MCTP1: variants seen among roughly 807,000 people sequenced by gnomAD.
MCTP1 encodes the protein multiple C2 and transmembrane domain containing 1, also known as multiple C2 and transmembrane domain-containing protein 1.
In MCTP1, 69 loss-of-function variants were observed where a neutral mutation model predicts 120.6. The ratio of observed to expected loss-of-function variants is 0.57; its 90% CI spans 0.47 to 0.70. The LOEUF is 0.70. Among genes scored for constraint, MCTP1 ranks in the 30% least tolerant of loss-of-function variants. The pLI is 0.00. For synonymous variants in MCTP1, 529 were observed against 493.1 expected, an observed-to-expected ratio of 1.07 and a Z score of -0.96; for missense variants, 1,203 against 1,248.8, an observed-to-expected ratio of 0.96 and a Z score of 0.55.
chr5:94,716,132 G>A (rs1237794053), intron 19 of MCTP1, among the ~76,000 whole-genome samples: 1 of 152,188 alleles, frequency 6.6e-6, no homozygotes, highest in Non-Finnish European at 1.5e-5. Context: ...AGGACATGGA[G>A]GCCAGTTTTA....
At chr5:94,978,218 G>A (rs1044733546) in intron 2 of MCTP1, among the ~76,000 whole-genome samples, 1 of 152,054 alleles carries the variant, frequency 6.6e-6, no homozygotes, top group Non-Finnish European at 1.5e-5. Flanking sequence ...TGGTGAGGAT[G>A]TGAAGAAATC....
chr5:94,810,319 T>C (rs1783149002), intron 17 of MCTP1, among the ~76,000 whole-genome samples: 1 of 152,182 alleles, frequency 6.6e-6, no homozygotes, highest in African/African-American at 2.4e-5. Flanking sequence ...TGTATATAAA[T>C]GCTATATCTA....
At chr5:95,233,443 C>T (rs1755190202) in intron 1 of MCTP1, among the ~76,000 whole-genome samples, 1 of 151,978 alleles carries the variant, frequency 6.6e-6, no homozygotes, top group African/African-American at 2.4e-5. Context: ...ATTCTTCTGC[C>T]TCAGCCTCCC....
chr5:94,850,667 C>T (rs1793501594), intron 17 of MCTP1, among the ~76,000 whole-genome samples: 2 of 152,074 alleles, frequency 1.3e-5, no homozygotes, highest in South Asian at 2.1e-4. Context: ...TTGTTTCCCT[C>T]TTTATCTTTT....
intron 17 of MCTP1, among the ~76,000 whole-genome samples, chr5:94,822,265 T>A (rs1351478708): frequency 6.6e-6 from 1 of 152,164 alleles, no homozygotes; most frequent in Non-Finnish European, 1.5e-5. Flanking sequence ...TGTGCCCATA[T>A]GTTCTCATTG....
intron 19 of MCTP1, among the ~76,000 whole-genome samples, chr5:94,745,121 C>T (rs1310488083): frequency 6.6e-6 from 1 of 152,208 alleles, no homozygotes; most frequent in African/African-American, 2.4e-5. Flanking sequence ...AGTTTTCTTA[C>T]TGGATACGCC....
At chr5:94,766,831 A>G (rs188600098) in intron 19 of MCTP1, among the ~76,000 whole-genome samples, 1 of 152,342 alleles carries the variant, frequency 6.6e-6, no homozygotes, top group Non-Finnish European at 1.5e-5. Context: ...CAAACTGGAT[A>G]GCTTTACTGA....
chr5:94,791,595 A>G (rs1255939008), intron 18 of MCTP1, among the ~76,000 whole-genome samples: 2 of 152,238 alleles, frequency 1.3e-5, no homozygotes, highest in African/African-American at 4.8e-5. Context: ...ATTTCCAGAT[A>G]TGTTGCAGAA....
At chr5:94,902,035 C>T (rs145570145) in intron 10 of MCTP1, among the ~76,000 whole-genome samples, 12 of 152,240 alleles carry the variant, frequency 7.9e-5, no homozygotes, top group Admixed American at 1.3e-4. Context: ...ACAGTGGCAC[C>T]CTTTGGGGCT....
intron 2 of MCTP1, among the ~76,000 whole-genome samples, chr5:94,973,947 G>A (rs1265534023): frequency 1.3e-5 from 2 of 152,016 alleles, no homozygotes. Context: ...AAATGGAGAC[G>A]ATTATAGAAC....
chr5:95,251,419 A>C (rs2152699313), intron 1 of MCTP1, among the ~76,000 whole-genome samples: 1 of 152,290 alleles, frequency 6.6e-6, no homozygotes, highest in Non-Finnish European at 1.5e-5. Context: ...AGGTACTCAT[A>C]GCATGGTACA....
At chr5:94,966,223 T>C (rs1013039672) in intron 2 of MCTP1, among the ~76,000 whole-genome samples, 2 of 152,186 alleles carry the variant, frequency 1.3e-5, no homozygotes, top group African/African-American at 4.8e-5. Flanking sequence ...ACTTTCAGAC[T>C]CCAAGCCCAA....
intron 19 of MCTP1, chr5:94,739,084 C>T (rs1297870615): frequency 6.6e-6 from 1 of 152,132 alleles, no homozygotes; most frequent in Non-Finnish European, 1.5e-5. Flanking sequence ...TCTTTGATTA[C>T]CTTGGTATTT....
chr5:95,250,943 T>C (rs1757323490), intron 1 of MCTP1, among the ~76,000 whole-genome samples: 1 of 152,180 alleles, frequency 6.6e-6, no homozygotes, highest in South Asian at 2.1e-4. Flanking sequence ...GAATAGCTTA[T>C]TTTATTCACT....
intron 1 of MCTP1, among the ~76,000 whole-genome samples, chr5:95,149,458 A>C (rs1024744405): frequency 2.0e-5 from 3 of 150,310 alleles, no homozygotes; most frequent in African/African-American, 7.4e-5. Context: ...GTGCCCACCC[A>C]CAGATTTCAG....
intron 1 of MCTP1, among the ~76,000 whole-genome samples, chr5:95,245,219 G>A (rs1235219847): frequency 6.6e-6 from 1 of 152,186 alleles, no homozygotes; most frequent in Admixed American, 6.5e-5. Context: ...AAGATGGAGA[G>A]AAACCAGACC....
intron 10 of MCTP1, among the ~76,000 whole-genome samples, chr5:94,900,757 A>G (rs1223139502): frequency 6.6e-6 from 1 of 152,214 alleles, no homozygotes; most frequent in Non-Finnish European, 1.5e-5. Flanking sequence ...CTGATTATTC[A>G]TTAGTATTGT....
intron 1 of MCTP1, among the ~76,000 whole-genome samples, chr5:95,145,200 A>C (rs1356250828): frequency 6.6e-6 from 1 of 152,034 alleles, no homozygotes; most frequent in Non-Finnish European, 1.5e-5. Context: ...CAGAGCTAGG[A>C]TGTTATTGGT....
chr5:95,258,924 C>T (rs76559612), intron 1 of MCTP1, among the ~76,000 whole-genome samples: 97 of 152,216 alleles, frequency 6.4e-4, no homozygotes, highest in African/African-American at 2.1e-3. Flanking sequence ...CATCAGATCC[C>T]GCCCCTAAGG....
Sources: allele counts gnomAD v4.1 joint callset (sites outside exome capture counted in the v4.1 genomes callset), GRCh38; gene constraint gnomAD v4.1.1; transcripts MANE v1.5; gene names NCBI Gene and HGNC (gene_info 2026-07-23, HGNC 2026-07-21).